Variants in SPARCL1 observed in about 807,000 individuals in gnomAD.
SPARCL1 encodes the protein SPARC like 1.
Under a neutral mutation model 67.1 loss-of-function variants are expected in SPARCL1, and 52 were observed. That is an observed-to-expected ratio of 0.78 (90% CI 0.62 to 0.98). SPARCL1 has a LOEUF of 0.98. Among genes scored for constraint, SPARCL1 ranks in the 50% least tolerant of loss-of-function variants. SPARCL1 has a pLI of 0.00. For synonymous variants in SPARCL1, 226 were observed against 267.8 expected (o/e 0.84, Z 1.52); for missense variants, 717 against 782.4 (o/e 0.92, Z 1.00).
intron 1 of SPARCL1, among the ~76,000 whole-genome samples, chr4:87,507,838 C>T (rs1430319014): frequency 6.6e-6 from 1 of 152,250 alleles, no homozygotes; most frequent in Non-Finnish European, 1.5e-5. Flanking sequence ...GCTTCCATGA[C>T]TCCCTCTTGG....
chr4:87,476,578 G>A (rs1723593183), intron 10 of SPARCL1, among the ~76,000 whole-genome samples: 1 of 152,190 alleles, frequency 6.6e-6, no homozygotes, highest in East Asian at 1.9e-4. Flanking sequence ...TGGCTTAGGG[G>A]AACTTGCGTC....
In SPARCL1 at chr4:87,499,585, T is replaced by G. The variant is rs777212385; in HGVS notation, c.-11A>C. 13 of 1,584,452 alleles carry G rather than the reference T, an allele frequency of 8.2e-6. No homozygotes were observed. The South Asian group carries it at 1.4e-4, about 17-fold the overall frequency. On this transcript the variant is annotated splice_region_variant and 5_prime_UTR_variant, in exon 2 of 11. Coordinates refer to ENST00000282470, the MANE Select transcript of SPARCL1 (RefSeq NM_004684.6). ...AAGCCCAGTCTTCATGCTTTCCAGA[T>G]CTGTGAACCAAGAAGATAATTATCA...
intron 7 of SPARCL1, among the ~76,000 whole-genome samples, 172 bp downstream of exon 7, chr4:87,490,101 C>T (rs1724251504): frequency 6.6e-6 from 1 of 152,200 alleles, no homozygotes; most frequent in South Asian, 2.1e-4. Flanking sequence ...AAATCAGAAT[C>T]TCCTACGGTT....
intron 2 of SPARCL1, among the ~76,000 whole-genome samples, chr4:87,496,633 C>T (rs1724631031): frequency 6.6e-6 from 1 of 151,986 alleles, no homozygotes; most frequent in South Asian, 2.1e-4. Flanking sequence ...AAGGAGTTGC[C>T]CAACTGAAAA....
intron 1 of SPARCL1, among the ~76,000 whole-genome samples, chr4:87,502,032 A>C (rs1228827565): frequency 6.6e-6 from 1 of 151,302 alleles, no homozygotes; most frequent in Non-Finnish European, 1.5e-5. Flanking sequence ...CAAACTCCTG[A>C]GCTCAAAGTG....
intron 7 of SPARCL1, among the ~76,000 whole-genome samples, chr4:87,486,531 T>C (rs941975763): frequency 2.0e-5 from 3 of 152,206 alleles, no homozygotes; most frequent in Non-Finnish European, 4.4e-5. Flanking sequence ...GAAGAATGTA[T>C]ATTCTGTCAA....
At chr4:87,504,182 T>TGG (rs758105392) in intron 1 of SPARCL1, among the ~76,000 whole-genome samples, 1 of 21,056 alleles carries the variant, frequency 4.7e-5, no homozygotes, top group South Asian at 1.7e-3. Flanking sequence ...TGTGTGTGTG[T>TGG]GGTGGGGTGG....
intron 8 of SPARCL1, 66 bp downstream of exon 8, chr4:87,482,358 C>A (rs886438583): frequency 9.7e-6 from 15 of 1,554,018 alleles, no homozygotes; most frequent in African/African-American, 6.8e-5. Context: ...GTAGCCCCCC[C>A]ACCACGTCTT....
chr4:87,514,128 A>C (rs1390409836), intron 1 of SPARCL1, among the ~76,000 whole-genome samples: 1 of 152,232 alleles, frequency 6.6e-6, no homozygotes, highest in African/African-American at 2.4e-5. Context: ...CAGGAGGTGG[A>C]GGTTGCAGTG....
chr4:87,495,659 C>T (rs1034689265), intron 2 of SPARCL1, among the ~76,000 whole-genome samples: 1 of 152,174 alleles, frequency 6.6e-6, no homozygotes, highest in African/African-American at 2.4e-5. Flanking sequence ...CATGGTGGCT[C>T]ACGCCTGTAA....
intron 1 of SPARCL1, among the ~76,000 whole-genome samples, chr4:87,509,674 A>C (rs2110250666): frequency 6.6e-6 from 1 of 152,338 alleles, no homozygotes; most frequent in South Asian, 2.1e-4. Context: ...ATAAGGCTCA[A>C]AAGTAAGCAG....
rs752355534 is a variant in SPARCL1, at chr4:87,479,572, C to G, written c.1824G>C (p.Leu608Phe). ...ELDQHPMDRV[L>F]THSELAPLRA... Reference sequence around the variant, plus strand: ...GCAGAGGAGCAAGTTCAGAATGTGTCAAGACTCTGCAATGAAATACATGGC... The same window carrying G: ...GCAGAGGAGCAAGTTCAGAATGTGTGAAGACTCTGCAATGAAATACATGGC... Residue 608 changes from leucine to phenylalanine, a missense_variant, in exon 10 of 11, where the codon TTG (leucine) becomes TTC (phenylalanine). By Grantham distance (22) the Leu-to-Phe change is conservative. Coordinates refer to ENST00000282470, the MANE Select transcript of SPARCL1 (RefSeq NM_004684.6). 1.9e-5 allele frequency: 31 copies of G among 1,613,492 alleles called. No homozygotes were observed. The highest frequency in any genetic ancestry group is 2.5e-5 in the Non-Finnish European group (30 of 1,179,864).
chr4:87,478,243 TATTTATTTTA>T (rs1425856534), intron 10 of SPARCL1, among the ~76,000 whole-genome samples: 1 of 152,114 alleles, frequency 6.6e-6, no homozygotes, highest in African/African-American at 2.4e-5. Context: ...TTTTCTTATT[TATTTATTTTA>T]ATTGACAAAT....
intron 8 of SPARCL1, 84 bp from the exon 9 acceptor site, chr4:87,480,604 T>C (rs1353969820): frequency 1.5e-6 from 2 of 1,326,168 alleles, no homozygotes; most frequent in African/African-American, 1.5e-5. Context: ...ACTTGAAGAG[T>C]GACAGTAACA....
At chr4:87,528,518 A>G (rs1003260584) in intron 1 of SPARCL1, 2 of 152,218 alleles carry the variant, frequency 1.3e-5, no homozygotes, top group African/African-American at 4.8e-5. Context: ...AAAAATAATC[A>G]AACAAGAATA....
intron 8 of SPARCL1, among the ~76,000 whole-genome samples, chr4:87,481,663 T>G (rs912328391): frequency 6.6e-6 from 1 of 152,246 alleles, no homozygotes; most frequent in African/African-American, 2.4e-5. Context: ...TCTTGTTTTA[T>G]TTGTCTTCAC....
chr4:87,474,302 C>A lies in SPARCL1; in HGVS notation c.1967-499G>T, dbSNP rs534228666. Among the ~76,000 whole-genome samples, 7 of 152,276 alleles carry A rather than the reference C, an allele frequency of 4.6e-5. No individual in the cohort carries two copies. The South Asian group carries it at 1.5e-3, about 32-fold the overall frequency. On this transcript the variant is annotated intron_variant, in intron 10 of 10. Coordinates refer to ENST00000282470, the MANE Select transcript of SPARCL1 (RefSeq NM_004684.6). ...ATCACTCCTTACCAACATGGCCCAC[C>A]CTAACAAACTATTATACTACTCTGT...
chr4:87,508,562 A>G (rs1418968132), intron 1 of SPARCL1, among the ~76,000 whole-genome samples: 2 of 151,940 alleles, frequency 1.3e-5, no homozygotes, highest in Non-Finnish European at 2.9e-5. Context: ...CCCTTCTGAA[A>G]TGGGGGTCTT....
chr4:87,491,470 A>G, intron 5 of SPARCL1, 148 bp downstream of exon 5: 2 of 727,622 alleles, frequency 2.7e-6, no homozygotes, highest in Admixed American at 1.9e-5. Context: ...GAAAATGTCA[A>G]CAATTTATGG....
Sources: allele counts gnomAD v4.1 joint callset (sites outside exome capture counted in the v4.1 genomes callset), GRCh38; gene constraint gnomAD v4.1.1; transcripts MANE v1.5; gene names NCBI Gene and HGNC (gene_info 2026-07-23, HGNC 2026-07-21).